Variants in LSM4 observed in about 807,000 individuals in gnomAD.
The protein encoded by LSM4 is LSM4 homolog, U6 small nuclear RNA and mRNA degradation associated.
Under a neutral mutation model 22.3 loss-of-function variants are expected in LSM4, and 15 were observed. The observed-to-expected ratio is 0.67, with a 90% confidence interval of 0.45 to 1.03. LSM4 has a LOEUF of 1.03. Ranked by LOEUF, LSM4 falls within the 50% of genes least tolerant of loss-of-function variation. The probability of loss-of-function intolerance (pLI) is 0.00; values close to 1 mark genes in which losing one functional copy is unlikely to be tolerated. For synonymous variants in LSM4, 90 were observed against 79.8 expected (o/e 1.13, Z -0.68); for missense variants, 127 against 198.0 (o/e 0.64, Z 2.15).
chr19:18,312,099 G>C (rs1970304780), intron 3 of LSM4: 1 of 158,368 alleles, frequency 6.3e-6, no homozygotes, highest in African/African-American at 2.4e-5. Flanking sequence ...TCCAGCCCCG[G>C]CCGACCCAGC....
chr19:18,311,074 T>C (rs968663732), intron 3 of LSM4, among the ~76,000 whole-genome samples: 1 of 152,078 alleles, frequency 6.6e-6, no homozygotes, highest in East Asian at 1.9e-4. Flanking sequence ...GGGTGCTCAC[T>C]CTCCCAGGAA....
intron 1 of LSM4, among the ~76,000 whole-genome samples, chr19:18,321,652 A>T (rs1044727804): frequency 1.1e-4 from 17 of 152,246 alleles, no homozygotes; most frequent in African/African-American, 3.9e-4. Context: ...TCTGGCTGCA[A>T]GAGTCTGAAA....
intron 2 of LSM4, 144 bp downstream of exon 2, chr19:18,315,880 G>C (rs1433677838): frequency 1.5e-6 from 1 of 669,372 alleles, no homozygotes; most frequent in African/African-American, 1.8e-5. Flanking sequence ...AATGACAGGA[G>C]TGTGGACACT....
At position 18,310,879 on chromosome 19, in the gene LSM4, C is replaced by T. The variant is rs536989723; in HGVS notation, c.145-1018G>A. Among the ~76,000 whole-genome samples the T allele has an allele frequency of 3.9e-5, 6 of 152,310 alleles. No homozygotes were observed. The East Asian group carries it at 5.8e-4, about 15-fold the overall frequency. The stretch of plus-strand genomic sequence containing the variant: ...CCCTCCAGATGGAACTTTCTGTTTC[C>T]GGAACACACGCCATGGGCTTGCCCC... On this transcript the variant is annotated intron_variant, in intron 3 of 4. Transcript: ENST00000593829.
chr19:18,307,522 G>T lies in LSM4; in HGVS notation c.362C>A (p.Pro121Gln). 5 of 1,553,344 alleles carry T rather than the reference G, an allele frequency of 3.2e-6. No homozygotes were observed. The highest frequency in any genetic ancestry group is 4.3e-6 in the Non-Finnish European group (5 of 1,149,498). ...CTCTGGCTGGCCTCTGCCTGTGCCC[G>T]GGATCCCACCTCGGCCCCGGCCACC... is the stretch of plus-strand genomic sequence containing the variant. ...VFGGRGRGGI[P>Q]GTGRGQPEKK... Residue 121 changes from proline to glutamine, a missense_variant, in exon 5 of 5, where the codon CCG (proline) becomes CAG (glutamine). Pro to Gln is a moderately conservative substitution (Grantham distance 76). Coordinates refer to ENST00000593829, the MANE Select transcript of LSM4 (RefSeq NM_012321.5).
At chr19:18,310,304 C>T (rs761184650) in intron 3 of LSM4, 1 of 200,202 alleles carries the variant, frequency 5.0e-6, no homozygotes, top group Non-Finnish European at 1.0e-5. Flanking sequence ...CCCAGCCCCA[C>T]CTCACTTCTG....
intron 3 of LSM4, among the ~76,000 whole-genome samples, chr19:18,311,292 C>T (rs1449394272): frequency 2.6e-5 from 4 of 152,166 alleles, no homozygotes; most frequent in South Asian, 2.1e-4. Flanking sequence ...CTGCATCCTG[C>T]GGCCTGCCTC....
intron 2 of LSM4, among the ~76,000 whole-genome samples, chr19:18,313,969 G>A (rs935377788): frequency 1.2e-4 from 19 of 152,142 alleles, no homozygotes; most frequent in Middle Eastern, 3.4e-3. Flanking sequence ...ACAGGCGCCT[G>A]CCATCACGCC....
chr19:18,318,561 C>T (rs1009027060), intron 1 of LSM4, among the ~76,000 whole-genome samples: 1 of 152,210 alleles, frequency 6.6e-6, no homozygotes, highest in African/African-American at 2.4e-5. Flanking sequence ...CCCAGGTCGC[C>T]CTTTACTGTG....
At chr19:18,312,754 T>C in intron 2 of LSM4, 52 bp from the exon 3 acceptor site, 2 of 1,380,122 alleles carry the variant, frequency 1.4e-6, no homozygotes, top group Non-Finnish European at 2.1e-6. Context: ...CCCTGCGCCA[T>C]GGGCCCCTCA....
chr19:18,322,288 G>C (rs1316005017), intron 1 of LSM4, among the ~76,000 whole-genome samples: 2 of 152,130 alleles, frequency 1.3e-5, no homozygotes, highest in Non-Finnish European at 2.9e-5. Context: ...GAAACTCCCA[G>C]CTCTGAATTC....
intron 1 of LSM4, among the ~76,000 whole-genome samples, chr19:18,321,332 G>A (rs997917323): frequency 7.9e-5 from 12 of 152,184 alleles, no homozygotes; most frequent in African/African-American, 2.9e-4. Context: ...CCGCAGAGAG[G>A]GACAGGCTCT....
At chr19:18,321,530 GGTAATA>G (rs1221438945) in intron 1 of LSM4, among the ~76,000 whole-genome samples, 1 of 152,152 alleles carries the variant, frequency 6.6e-6, no homozygotes, top group African/African-American at 2.4e-5. Context: ...GAACAAAATT[GGTAATA>G]GCCCTTTCCC....
At chr19:18,307,656 A>G in intron 4 of LSM4, 101 bp from the exon 5 acceptor site, 1 of 805,328 alleles carries the variant, frequency 1.2e-6, no homozygotes, top group Non-Finnish European at 1.8e-6. Flanking sequence ...CTAAGTCTCC[A>G]GCCTCAGCTT....
intron 1 of LSM4, chr19:18,316,296 A>T: frequency 1.0e-5 from 4 of 390,104 alleles, no homozygotes; most frequent in Non-Finnish European, 9.5e-6. Flanking sequence ...CTACTCCCGT[A>T]GGTGGCCACC....
intron 4 of LSM4, 102 bp from the exon 5 acceptor site, chr19:18,307,657 G>A (rs1033163040): frequency 3.7e-6 from 3 of 801,888 alleles, no homozygotes; most frequent in Non-Finnish European, 5.5e-6. Flanking sequence ...TAAGTCTCCA[G>A]CCTCAGCTTC....
intron 4 of LSM4, 122 bp downstream of exon 4, chr19:18,309,556 G>C (rs745440604): frequency 2.7e-6 from 3 of 1,097,908 alleles, no homozygotes; most frequent in Non-Finnish European, 3.8e-6. Flanking sequence ...AGGACCAGGA[G>C]GGGGGCCCGG....
chr19:18,320,720 G>A (rs982534675), intron 1 of LSM4, among the ~76,000 whole-genome samples: 3 of 151,980 alleles, frequency 2.0e-5, no homozygotes, highest in Non-Finnish European at 2.9e-5. Context: ...AATCACTCTC[G>A]GAGAGGTGGA....
chr19:18,322,648 G>C (rs1029782233), intron 1 of LSM4, among the ~76,000 whole-genome samples: 4 of 152,042 alleles, frequency 2.6e-5, no homozygotes, highest in African/African-American at 9.7e-5. Flanking sequence ...TTTTCAATCA[G>C]GGAGGTCAGA....
Sources: gnomAD v4.1 joint callset for allele counts (sites outside exome capture counted in the v4.1 genomes callset) on GRCh38, gnomAD v4.1.1 for gene constraint, MANE v1.5 for transcripts, NCBI Gene and HGNC (gene_info 2026-07-23, HGNC 2026-07-21) for gene names.